The following SHANK2 variants were observed in gnomAD, a reference collection of about 807,000 sequenced individuals.
The protein encoded by SHANK2 is SH3 and multiple ankyrin repeat domains protein 2.
In SHANK2, 43 loss-of-function variants were observed where a neutral mutation model predicts 133.7. The ratio of observed to expected loss-of-function variants is 0.32; its 90% CI spans 0.25 to 0.41. The LOEUF is 0.41. Among genes scored for constraint, SHANK2 ranks in the 10% least tolerant of loss-of-function variants. The probability of loss-of-function intolerance (pLI) is 1.00; values close to 1 mark genes in which losing one functional copy is unlikely to be tolerated. For synonymous variants in SHANK2, 1,017 were observed against 952.8 expected (o/e 1.07, Z -1.24); for missense variants, 1,994 against 2,235.8 (o/e 0.89, Z 2.18).
chr11:71,174,542 T>A (rs1275686353), intron 2 of SHANK2, among the ~76,000 whole-genome samples: 1 of 152,078 alleles, frequency 6.6e-6, no homozygotes. Context: ...TAGCTGGGTG[T>A]GGTGGCTCAT....
At position 70,816,343 on chromosome 11, in the gene SHANK2, C is replaced by T. The variant is rs1948396835; in HGVS notation, c.1493+4021G>A. ...CAGGTAGCCCTGGCGGTCAGCACTG[C>T]TTGGGGGATGTTCAGCACCGGTTGC... is the stretch of plus-strand genomic sequence containing the variant. On this transcript the variant is annotated intron_variant, in intron 12 of 25. Transcript: ENST00000601538. Among the ~76,000 whole-genome samples, 6 of 152,338 alleles carry T rather than the reference C, an allele frequency of 3.9e-5. No homozygotes were observed. The South Asian group carries it at 1.2e-3, about 32-fold the overall frequency.
intron 14 of SHANK2, among the ~76,000 whole-genome samples, chr11:70,749,695 A>T (rs1946716141): frequency 6.6e-6 from 1 of 152,260 alleles, no homozygotes; most frequent in African/African-American, 2.4e-5. Context: ...AAAATGTTAA[A>T]GTTGAAAAAC....
At chr11:70,574,772 G>A (rs1338551095) in intron 17 of SHANK2, among the ~76,000 whole-genome samples, 1 of 152,142 alleles carries the variant, frequency 6.6e-6, no homozygotes, top group Non-Finnish European at 1.5e-5. Flanking sequence ...TGGGGGATTA[G>A]GTCACATGTT....
At chr11:71,119,473 T>C (rs1162815258) in intron 3 of SHANK2, among the ~76,000 whole-genome samples, 3 of 150,682 alleles carry the variant, frequency 2.0e-5, no homozygotes, top group Non-Finnish European at 4.4e-5. Flanking sequence ...CCAGCTACTC[T>C]GGAGGCTGAG....
At chr11:70,907,390 G>A (rs916741540) in intron 10 of SHANK2, among the ~76,000 whole-genome samples, 2 of 152,174 alleles carry the variant, frequency 1.3e-5, no homozygotes, top group African/African-American at 4.8e-5. Context: ...ACTGTGCGGT[G>A]GTCAGGACCA....
intron 17 of SHANK2, among the ~76,000 whole-genome samples, chr11:70,560,029 G>A (rs148807817): frequency 1.3e-5 from 2 of 152,024 alleles, no homozygotes; most frequent in African/African-American, 2.4e-5. Flanking sequence ...ACACCACCAC[G>A]CCAAGCTAAT....
intron 17 of SHANK2, among the ~76,000 whole-genome samples, chr11:70,655,857 A>AC (rs1396957634): frequency 2.0e-5 from 3 of 151,692 alleles, no homozygotes; most frequent in Admixed American, 6.6e-5. Context: ...GCCTGTTGGG[A>AC]CCCCCGGCAT....
chr11:70,846,232 T>C (rs540895722), intron 11 of SHANK2, among the ~76,000 whole-genome samples: 1 of 152,250 alleles, frequency 6.6e-6, no homozygotes, highest in East Asian at 1.9e-4. Context: ...CAACTGAGCC[T>C]TCAATGCCTC....
intron 17 of SHANK2, among the ~76,000 whole-genome samples, chr11:70,557,185 TTC>T (rs2059844503): frequency 6.9e-6 from 1 of 145,890 alleles, no homozygotes; most frequent in Non-Finnish European, 1.5e-5. Flanking sequence ...CATTCATTCA[TTC>T]ACCTCTTCAC....
In SHANK2 at chr11:70,599,901, GAAAGAGAA is replaced by G. The variant is rs200738679; in HGVS notation, c.2061+59919_2061+59926del. 2.5e-4 allele frequency among the ~76,000 whole-genome samples: 20 copies of G among 80,146 alleles called. 1 individual carries two copies. The East Asian group carries it at 4.7e-3, about 19-fold the overall frequency. The allele number at this position is 80,146 out of a possible 152,430, so 52.6% of individuals were successfully genotyped here. The stretch of plus-strand genomic sequence containing the variant: ...AAAGAAAGAAAGAAAAAGAAAGAAA[GAAAGAGAA>G]AGAAAGAAAGAAAGAAAGAAAGAAA... On this transcript the variant is annotated intron_variant, in intron 17 of 25. Transcript: ENST00000601538.
chr11:70,730,998 C>T (rs1403631322), intron 14 of SHANK2, among the ~76,000 whole-genome samples: 1 of 152,086 alleles, frequency 6.6e-6, no homozygotes, highest in Non-Finnish European at 1.5e-5. Context: ...ACCCATGAAG[C>T]AGTCACTCCA....
chr11:70,944,541 C>A (rs182366516), intron 10 of SHANK2, among the ~76,000 whole-genome samples: 2 of 152,230 alleles, frequency 1.3e-5, no homozygotes, highest in Admixed American at 1.3e-4. Context: ...TTTCCCACTG[C>A]GCTTCCCATA....
intron 11 of SHANK2, among the ~76,000 whole-genome samples, chr11:70,831,198 C>T (rs1391579147): frequency 6.6e-6 from 1 of 152,094 alleles, no homozygotes; most frequent in African/African-American, 2.4e-5. Flanking sequence ...CGTCCCAAAA[C>T]TCAGGCAAGC....
intron 8 of SHANK2, among the ~76,000 whole-genome samples, chr11:71,079,113 G>A (rs1951258087): frequency 6.6e-6 from 1 of 152,240 alleles, no homozygotes; most frequent in Non-Finnish European, 1.5e-5. Flanking sequence ...TGGTCCCCAT[G>A]TATCCCCGTG....
At chr11:71,078,384 A>G (rs1337687854) in intron 8 of SHANK2, among the ~76,000 whole-genome samples, 4 of 151,610 alleles carry the variant, frequency 2.6e-5, no homozygotes, top group Non-Finnish European at 4.4e-5. Flanking sequence ...ATAATGTAGA[A>G]GCAATGGTAG....
In SHANK2 at chr11:71,178,966, GAAT is replaced by G. The variant is rs1555113427; in HGVS notation, c.-12-31631_-12-31629del. Reference sequence around the variant, plus strand: ...CCACTGCACTCCAGCCTGGGTGACAGAATGAGACTTCGTCTGAAGTGAATGAAT... The same window carrying G: ...CCACTGCACTCCAGCCTGGGTGACAGGAGACTTCGTCTGAAGTGAATGAAT... On this transcript the variant is annotated intron_variant, in intron 2 of 25. Transcript: ENST00000601538. Among the ~76,000 whole-genome samples the G allele has an allele frequency of 7.6e-3, 1,155 of 152,284 alleles. 16 individuals are homozygous for G. Among genetic ancestry groups the G allele is most frequent in the African/African-American group, 0.026 (1,101 of 41,568 alleles).
intron 3 of SHANK2, among the ~76,000 whole-genome samples, chr11:71,120,524 G>T (rs1350558362): frequency 6.6e-6 from 1 of 151,914 alleles, no homozygotes; most frequent in African/African-American, 2.4e-5. Flanking sequence ...GTCGGGTTCA[G>T]TGGGCGGCCA....
At chr11:71,247,490 AAAC>A (rs1450676964) in intron 1 of SHANK2, among the ~76,000 whole-genome samples, 3 of 151,666 alleles carry the variant, frequency 2.0e-5, no homozygotes, top group Non-Finnish European at 4.4e-5. Context: ...TTTTTAAAAA[AAAC>A]AACACTTTCA....
chr11:71,221,382 G>T (rs996533901), intron 2 of SHANK2, among the ~76,000 whole-genome samples: 1 of 152,122 alleles, frequency 6.6e-6, no homozygotes, highest in Non-Finnish European at 1.5e-5. Flanking sequence ...AGCAGGAGAC[G>T]GTGGCCGGAG....
Sources: gnomAD v4.1 joint callset for allele counts (sites outside exome capture counted in the v4.1 genomes callset) on GRCh38, gnomAD v4.1.1 for gene constraint, MANE v1.5 for transcripts, NCBI Gene and HGNC (gene_info 2026-07-23, HGNC 2026-07-21) for gene names.